Variants in POLD1 observed in about 807,000 individuals in gnomAD.
POLD1 encodes the protein DNA polymerase delta catalytic subunit.
Under a neutral mutation model 129.7 loss-of-function variants are expected in POLD1, and 79 were observed. The observed-to-expected ratio is 0.61, with a 90% CI of 0.51 to 0.73. The LOEUF is 0.73. Ranked by LOEUF, POLD1 falls within the 30% of genes least tolerant of loss-of-function variation. The pLI is 0.00. For missense variants in POLD1, 1,338 were observed against 1,595.8 expected, an observed-to-expected ratio of 0.84 and a Z score of 2.75; for synonymous variants, 714 against 683.3, an observed-to-expected ratio of 1.04 and a Z score of -0.70.
At chr19:50,401,343 ATGTG>A (rs1273035871) in intron 3 of POLD1, among the ~76,000 whole-genome samples, 5 of 127,254 alleles carry the variant, frequency 3.9e-5, no homozygotes, top group African/African-American at 6.3e-5. Flanking sequence ...TACATATAAT[ATGTG>A]TGTGTATTTG....
At chr19:50,390,493 GCCTGGGCTGTTTCAGCCAGTCCCT>G (rs2038118790) in intron 1 of POLD1, among the ~76,000 whole-genome samples, 1 of 151,978 alleles carries the variant, frequency 6.6e-6, no homozygotes, top group South Asian at 2.1e-4. Context: ...CTGGAACAGA[GCCTGGGCTGTTTCAGCCAGTCCCT>G]CCTTATCTCA....
At chr19:50,387,847 C>T (rs1414348055) in intron 1 of POLD1, 4 of 152,500 alleles carry the variant, frequency 2.6e-5, no homozygotes, top group African/African-American at 9.6e-5. Context: ...AGAGCACAAA[C>T]GCAGTCAAAG....
chr19:50,403,539 G>GT lies in POLD1; in HGVS notation c.1186dup (p.Tyr396LeufsTer239), dbSNP rs1414945254. On this transcript the variant is annotated frameshift_variant, in exon 10 of 27. Coordinates refer to ENST00000440232, the MANE Select transcript of POLD1 (RefSeq NM_002691.4). LOFTEE classifies it high-confidence loss of function. ...ATCATGGACCCCGACGTGATCACCG[G>GT]TTACAACATCCAGAACTTCGACCTT... 2.5e-6 allele frequency: 4 copies of GT among 1,614,122 alleles called. No individual in the cohort carries two copies. Among genetic ancestry groups the GT allele is most frequent in the Non-Finnish European group, 2.5e-6 (3 of 1,179,964 alleles).
intron 1 of POLD1, among the ~76,000 whole-genome samples, chr19:50,391,714 G>A (rs571842404): frequency 1.3e-5 from 2 of 149,846 alleles, no homozygotes; most frequent in South Asian, 2.1e-4. Flanking sequence ...GGAGGGAGAG[G>A]GAGAGGTCTT....
chr19:50,393,027 C>T (rs1330729922), intron 1 of POLD1, among the ~76,000 whole-genome samples: 1 of 152,194 alleles, frequency 6.6e-6, no homozygotes, highest in Non-Finnish European at 1.5e-5. Flanking sequence ...GGTTTCCAGT[C>T]CTTGGGGATT....
chr19:50,404,574 CTTTTTT>C (rs71182717), intron 10 of POLD1, among the ~76,000 whole-genome samples: 7 of 77,866 alleles, frequency 9.0e-5, no homozygotes, highest in Admixed American at 1.9e-4. Context: ...TTTTCTCTTT[CTTTTTT>C]TTTTTTTTTT....
At chr19:50,417,686 C>T (rs891864743) in intron 26 of POLD1, among the ~76,000 whole-genome samples, 156 bp from the exon 27 acceptor site, 6 of 139,092 alleles carry the variant, frequency 4.3e-5, no homozygotes, top group South Asian at 2.3e-4. Flanking sequence ...CCCCCCACCC[C>T]CCCCGTGCCT....
chr19:50,410,113 G>A (rs1194460804), intron 17 of POLD1, among the ~76,000 whole-genome samples: 1 of 152,192 alleles, frequency 6.6e-6, no homozygotes, highest in Non-Finnish European at 1.5e-5. Context: ...ACGTGGGGAG[G>A]GAAGCCATTC....
At chr19:50,401,340 AAT>A (rs1477148641) in intron 3 of POLD1, among the ~76,000 whole-genome samples, 2 of 134,490 alleles carry the variant, frequency 1.5e-5, no homozygotes, top group African/African-American at 2.9e-5. Context: ...TTGTACATAT[AAT>A]ATGTGTGTGT....
At position 50,414,417 on chromosome 19, in the gene POLD1, G is replaced by A. The variant is rs3219429; in HGVS notation, c.2389-398G>A. Among the ~76,000 whole-genome samples, 817 of 152,362 alleles carry A rather than the reference G, an allele frequency of 5.4e-3. 8 individuals carry two copies. The highest frequency in any genetic ancestry group is 0.019 in the African/African-American group (776 of 41,588). ...AGTTCTCACACTGTACTGTTTCCCC[G>A]TGGCTTAACGCTCTCTCGTGCCAGG... On this transcript the variant is annotated intron_variant, in intron 19 of 26. Coordinates refer to ENST00000440232, the MANE Select transcript of POLD1 (RefSeq NM_002691.4).
chr19:50,401,672 G>T, intron 3 of POLD1, 106 bp from the exon 4 acceptor site: 1 of 1,240,750 alleles, frequency 8.1e-7, no homozygotes, highest in Non-Finnish European at 1.2e-6. Flanking sequence ...CGGTACAGGG[G>T]CAGGAGTGCC....
chr19:50,415,382 C>T, intron 20 of POLD1, 56 bp from the exon 21 acceptor site: 1 of 1,558,158 alleles, frequency 6.4e-7, no homozygotes, highest in Non-Finnish European at 8.8e-7. Context: ...CCCGTGGAGG[C>T]ACCAGCCTGG....
intron 1 of POLD1, among the ~76,000 whole-genome samples, chr19:50,394,548 G>C (rs1167985317): frequency 6.6e-6 from 1 of 152,014 alleles, no homozygotes; most frequent in African/African-American, 2.4e-5. Context: ...CCAGCTACTC[G>C]GGAGGCTGAG....
rs775264944 is a variant in POLD1 at position 50,416,628 on chromosome 19, G to T, written c.2972G>T (p.Cys991Phe). 2 of 1,565,018 alleles carry T rather than the reference G, an allele frequency of 1.3e-6. No individual in the cohort carries two copies. The highest frequency in any genetic ancestry group is 8.6e-7 in the Non-Finnish European group (1 of 1,159,258). Reference sequence around the variant, plus strand: ...CCTGCAGGGGGGGACCACACGCGCTGCAAGACGGTGCTCACGGGCAAGGTG... The same window carrying T: ...CCTGCAGGGGGGGACCACACGCGCTTCAAGACGGTGCTCACGGGCAAGGTG... ...AVLLRGDHTR[C>F]KTVLTGKVGG... The change falls in exon 24 of 27, where the codon TGC becomes TTC. Residue 991 changes from cysteine (C) to phenylalanine (F), a missense_variant. This residue lies in a region of POLD1 where 286 missense variants were observed against 277.5 expected (regional missense o/e 1.03). Transcript: ENST00000440232.
Position 50,406,078 on chromosome 19 carries a change from C to G in POLD1, c.1243-104C>G, listed in dbSNP as rs573451054. 2.5e-4 allele frequency: 352 copies of G among 1,434,016 alleles called. 1 individual carries two copies. The highest frequency in any genetic ancestry group is 5.2e-4 in the Admixed American group (29 of 55,654). 88.8% of individuals were successfully genotyped at this position (1,434,016 alleles called of 1,614,324 possible). Reference sequence around the variant, plus strand: ...CTGCCCCCAGGGTTGCTCTCGACCCCCTAGGGTTGTTATAAGGATGTTGTG... The same window carrying G: ...CTGCCCCCAGGGTTGCTCTCGACCCGCTAGGGTTGTTATAAGGATGTTGTG... On this transcript the variant is annotated intron_variant, in intron 10 of 26. Transcript: ENST00000440232. The surrounding 1 kb of genome is among the most constrained non-coding windows in gnomAD (Gnocchi z 5.5).
At chr19:50,391,485 C>G (rs1175264971) in intron 1 of POLD1, among the ~76,000 whole-genome samples, 1 of 152,198 alleles carries the variant, frequency 6.6e-6, no homozygotes, top group Admixed American at 6.5e-5. Context: ...CACTCGCGGT[C>G]AGGAGCTGGA....
intron 8 of POLD1, 108 bp downstream of exon 8, chr19:50,402,849 G>T (rs1264548293): frequency 2.1e-6 from 3 of 1,445,956 alleles, no homozygotes; most frequent in Non-Finnish European, 2.8e-6. Flanking sequence ...GCCGGGGCAG[G>T]AGCACCCCAG....
intron 7 of POLD1, 31 bp downstream of exon 7, chr19:50,402,566 G>A (rs1457768758): frequency 7.6e-6 from 12 of 1,577,048 alleles, no homozygotes; most frequent in South Asian, 2.3e-5. Context: ...GGGCTGGGTG[G>A]GGAGCTGGTA....
At chr19:50,413,094 A>G (rs929242045) in intron 17 of POLD1, among the ~76,000 whole-genome samples, 17 of 151,986 alleles carry the variant, frequency 1.1e-4, no homozygotes, top group African/African-American at 4.1e-4. Context: ...CCTGTACCAT[A>G]GAGAGCTGCC....
Sources: allele counts gnomAD v4.1 joint callset (sites outside exome capture counted in the v4.1 genomes callset), GRCh38; gene constraint gnomAD v4.1.1; regional missense constraint gnomAD v4.1.1; non-coding constraint Gnocchi (gnomAD v3.1); transcripts MANE v1.5; gene names NCBI Gene and HGNC (gene_info 2026-07-23, HGNC 2026-07-21).